The following EPHA6 variants were observed in gnomAD, a reference collection of about 807,000 sequenced individuals.
The protein encoded by EPHA6 is EPH receptor A6.
Under a neutral mutation model 112.0 loss-of-function variants are expected in EPHA6, and 50 were observed. The observed-to-expected ratio is 0.45, with a 90% CI of 0.36 to 0.56. EPHA6 has a LOEUF of 0.56. EPHA6 is among the 20% of genes least tolerant of loss of function. EPHA6 has a pLI of 0.00. For synonymous variants in EPHA6, 529 were observed against 490.7 expected, an observed-to-expected ratio of 1.08 and a Z score of -1.03; for missense variants, 1,280 against 1,417.4, an observed-to-expected ratio of 0.90 and a Z score of 1.56.
At chr3:97,720,224 G>T in intron 14 of EPHA6, 37 bp from the exon 15 acceptor site, 1 of 1,503,146 alleles carries the variant, frequency 6.7e-7, no homozygotes, top group Non-Finnish European at 8.9e-7. Context: ...TTAATACAAC[G>T]ATAAGCCAGC....
intron 12 of EPHA6, among the ~76,000 whole-genome samples, chr3:97,595,554 G>A (rs994406662): frequency 6.6e-6 from 1 of 152,012 alleles, no homozygotes; most frequent in African/African-American, 2.4e-5. Context: ...CTGAGGCAGA[G>A]GAATTGCTTT....
chr3:97,546,990 C>T (rs1202732635), intron 11 of EPHA6, among the ~76,000 whole-genome samples: 1 of 152,110 alleles, frequency 6.6e-6, no homozygotes, highest in Non-Finnish European at 1.5e-5. Flanking sequence ...AAGCTTTTAA[C>T]TTCTTTGCCA....
intron 3 of EPHA6, among the ~76,000 whole-genome samples, chr3:97,106,561 A>G (rs2047575672): frequency 6.6e-6 from 1 of 152,102 alleles, no homozygotes; most frequent in African/African-American, 2.4e-5. Flanking sequence ...ACTTTTACTC[A>G]GTAAAACGTT....
chr3:97,261,219 G>GT (rs200270923), intron 5 of EPHA6, among the ~76,000 whole-genome samples: 2,504 of 152,202 alleles, frequency 0.016, 63 homozygotes, highest in African/African-American at 0.055. Flanking sequence ...ATGAATCCAG[G>GT]TATATGAAAA....
At chr3:97,722,304 C>T (rs917757281) in intron 15 of EPHA6, among the ~76,000 whole-genome samples, 6 of 152,064 alleles carry the variant, frequency 3.9e-5, no homozygotes, top group African/African-American at 1.2e-4. Flanking sequence ...TTAGTGAATG[C>T]CTTCTCCATT....
chr3:97,450,361 A>G (rs1037217507), intron 7 of EPHA6, among the ~76,000 whole-genome samples: 1 of 152,090 alleles, frequency 6.6e-6, no homozygotes, highest in African/African-American at 2.4e-5. Context: ...ACAGCCTGGA[A>G]AAGTTAATAG....
chr3:97,612,846 T>C (rs553723193), intron 13 of EPHA6, among the ~76,000 whole-genome samples: 1 of 152,058 alleles, frequency 6.6e-6, no homozygotes, highest in African/African-American at 2.4e-5. Context: ...TTATAAAGAT[T>C]GATTGTTGTA....
chr3:97,540,356 A>G (rs2092832136), intron 11 of EPHA6, among the ~76,000 whole-genome samples: 1 of 152,224 alleles, frequency 6.6e-6, no homozygotes, highest in Non-Finnish European at 1.5e-5. Flanking sequence ...TGACTAGATG[A>G]CATAGCCTGA....
chr3:97,359,209 A>G (rs1345183311), intron 5 of EPHA6, among the ~76,000 whole-genome samples: 1 of 151,802 alleles, frequency 6.6e-6, no homozygotes, highest in Non-Finnish European at 1.5e-5. Flanking sequence ...TCATGGTGTC[A>G]CAGTTTGCTT....
chr3:97,502,415 C>A (rs2092144357), intron 10 of EPHA6, among the ~76,000 whole-genome samples: 1 of 151,754 alleles, frequency 6.6e-6, no homozygotes, highest in Non-Finnish European at 1.5e-5. Flanking sequence ...ATGATCCACC[C>A]ACCTCGGCCT....
At chr3:97,141,979 T>C (rs942481564) in intron 3 of EPHA6, among the ~76,000 whole-genome samples, 15 of 151,988 alleles carry the variant, frequency 9.9e-5, no homozygotes, top group African/African-American at 3.6e-4. Flanking sequence ...ATCTCAAGTA[T>C]ATTATTTTTG....
At chr3:97,470,171 A>G (rs1240513013) in intron 7 of EPHA6, among the ~76,000 whole-genome samples, 2 of 151,742 alleles carry the variant, frequency 1.3e-5, no homozygotes, top group Non-Finnish European at 3.0e-5. Context: ...AAATGCTTAT[A>G]AAGTTAAGCC....
chr3:97,183,861 G>A (rs1165778201), intron 3 of EPHA6, among the ~76,000 whole-genome samples: 1 of 152,054 alleles, frequency 6.6e-6, no homozygotes, highest in East Asian at 1.9e-4. Flanking sequence ...TTCTGCAGAA[G>A]CTGATATGCC....
chr3:97,690,090 T>A (rs890594953), intron 14 of EPHA6, among the ~76,000 whole-genome samples: 1 of 152,242 alleles, frequency 6.6e-6, no homozygotes, highest in Non-Finnish European at 1.5e-5. Flanking sequence ...TTGCTATTGA[T>A]CTTCATTTGC....
At chr3:97,029,075 A>G (rs530284738) in intron 3 of EPHA6, among the ~76,000 whole-genome samples, 79 of 151,790 alleles carry the variant, frequency 5.2e-4, no homozygotes, top group African/African-American at 1.7e-3. Context: ...ATTAAAGTTA[A>G]CAGTTCTTGC....
intron 3 of EPHA6, among the ~76,000 whole-genome samples, chr3:97,076,949 C>A (rs2046546800): frequency 1.3e-5 from 2 of 152,198 alleles, no homozygotes; most frequent in South Asian, 4.1e-4. Context: ...AATACTACTG[C>A]TAATTGACAA....
At chr3:96,827,157 C>A (rs1246267466) in intron 1 of EPHA6, among the ~76,000 whole-genome samples, 3 of 152,054 alleles carry the variant, frequency 2.0e-5, no homozygotes, top group Non-Finnish European at 4.4e-5. Flanking sequence ...GGCTTTACTG[C>A]ATGTGTGCAC....
At chr3:97,002,034 A>G (rs75705161) in intron 3 of EPHA6, among the ~76,000 whole-genome samples, 3,480 of 152,132 alleles carry the variant, frequency 0.023, 125 homozygotes, top group African/African-American at 0.078. Context: ...ATAAATGACT[A>G]ATATTCTCAT....
chr3:97,661,155 T>G (rs537215474), intron 14 of EPHA6, among the ~76,000 whole-genome samples: 1 of 152,274 alleles, frequency 6.6e-6, no homozygotes, highest in East Asian at 1.9e-4. Flanking sequence ...TCCAGTATCT[T>G]TCTGAGTCCT....
Sources: gnomAD v4.1 joint callset for allele counts (sites outside exome capture counted in the v4.1 genomes callset) on GRCh38, gnomAD v4.1.1 for gene constraint, MANE v1.5 for transcripts, NCBI Gene and HGNC (gene_info 2026-07-23, HGNC 2026-07-21) for gene names.